RBFOX1: variants seen among roughly 807,000 people sequenced by gnomAD.
RBFOX1 encodes the protein RNA binding protein fox-1 homolog 1.
RBFOX1 carries 8 observed loss-of-function variants against 57.7 expected under a neutral mutation model. The observed-to-expected ratio is 0.14, with a 90% CI of 0.08 to 0.25. The LOEUF (loss-of-function observed/expected upper bound fraction) is 0.25, where lower values mean the gene tolerates loss of function less well. Ranked by LOEUF, RBFOX1 falls within the 10% of genes least tolerant of loss-of-function variation. The pLI is 1.00. For synonymous variants in RBFOX1, 326 were observed against 222.4 expected (o/e 1.47, Z -4.15); for missense variants, 611 against 548.5 (o/e 1.11, Z -1.14).
intron 4 of RBFOX1, among the ~76,000 whole-genome samples, chr16:7,064,808 T>C (rs2055540613): frequency 1.3e-5 from 2 of 152,332 alleles, no homozygotes; most frequent in African/African-American, 4.8e-5. Flanking sequence ...TTCATCCTGA[T>C]GTGTATTGGT....
chr16:6,428,510 G>A (rs2093992360), intron 2 of RBFOX1, among the ~76,000 whole-genome samples: 1 of 152,040 alleles, frequency 6.6e-6, no homozygotes, highest in Admixed American at 6.6e-5. Context: ...AGTAACTTGT[G>A]CTTTCTGTGC....
intron 3 of RBFOX1, among the ~76,000 whole-genome samples, chr16:6,832,242 C>G (rs1411892872): frequency 1.3e-5 from 2 of 152,152 alleles, no homozygotes; most frequent in Non-Finnish European, 1.5e-5. Context: ...CTGAAGGGAA[C>G]AACACAGTGG....
intron 4 of RBFOX1, among the ~76,000 whole-genome samples, chr16:7,316,963 A>AACACACACAC (rs112548867): frequency 0.025 from 3,718 of 146,900 alleles, 60 homozygotes; most frequent in South Asian, 0.037. Context: ...AAGAAGACAG[A>AACACACACAC]ACACACACAC....
At chr16:7,644,289 A>G (rs2063343693) in intron 11 of RBFOX1, among the ~76,000 whole-genome samples, 1 of 152,170 alleles carries the variant, frequency 6.6e-6, no homozygotes, top group Non-Finnish European at 1.5e-5. Flanking sequence ...TTAGTGGGTT[A>G]ATCTCCGGGT....
intron 11 of RBFOX1, among the ~76,000 whole-genome samples, chr16:7,633,508 AT>A (rs1014806202): frequency 2.0e-5 from 3 of 151,856 alleles, no homozygotes; most frequent in South Asian, 2.1e-4. Flanking sequence ...GTTCATAGCA[AT>A]TTTTTTTCAA....
chr16:6,826,435 A>G (rs867075671), intron 3 of RBFOX1, among the ~76,000 whole-genome samples: 3 of 151,998 alleles, frequency 2.0e-5, no homozygotes, highest in South Asian at 2.1e-4. Context: ...TTAGCACTCA[A>G]GTAATTCCCA....
chr16:6,827,915 A>C (rs569784613), intron 3 of RBFOX1, among the ~76,000 whole-genome samples: 2 of 152,200 alleles, frequency 1.3e-5, no homozygotes, highest in African/African-American at 4.8e-5. Flanking sequence ...ATTTGCATAC[A>C]TTTGTAAGCA....
At chr16:6,519,499 G>A (rs2096458626) in intron 2 of RBFOX1, among the ~76,000 whole-genome samples, 1 of 152,050 alleles carries the variant, frequency 6.6e-6, no homozygotes, top group African/African-American at 2.4e-5. Context: ...TCAAGAGTTG[G>A]AGACCAACCT....
At chr16:7,009,717 T>G (rs1208073376) in intron 3 of RBFOX1, among the ~76,000 whole-genome samples, 4 of 152,192 alleles carry the variant, frequency 2.6e-5, no homozygotes, top group Non-Finnish European at 5.9e-5. Flanking sequence ...TGAGCCAACC[T>G]AATCAGCCTG....
intron 3 of RBFOX1, among the ~76,000 whole-genome samples, chr16:5,767,861 A>T (rs2053842029): frequency 6.6e-6 from 1 of 152,054 alleles, no homozygotes; most frequent in South Asian, 2.1e-4. Context: ...TTCTTTGAGG[A>T]TTCCTATTTG....
chr16:6,859,187 A>ATATGTATACGTATATATATACG lies in RBFOX1; in HGVS notation c.-15-192867_-15-192866insGTATACGTATATATATACGTAT, dbSNP rs2058557400. On this transcript the variant is annotated intron_variant, in intron 3 of 15. Coordinates refer to ENST00000550418, the MANE Select transcript of RBFOX1 (RefSeq NM_018723.4). The stretch of plus-strand genomic sequence containing the variant: ...TACGTATATATATGTATATATATGT[A>ATATGTATACGTATATATATACG]TATATATATGTATATATATATATAC... Among the ~76,000 whole-genome samples the ATATGTATACGTATATATATACG allele has an allele frequency of 8.9e-4, 57 of 63,998 alleles. 2 individuals carry two copies. Among genetic ancestry groups the ATATGTATACGTATATATATACG allele is most frequent in the African/African-American group, 4.3e-3 (56 of 13,148 alleles). 42.0% of individuals were successfully genotyped at this position (63,998 alleles called of 152,430 possible).
At chr16:5,667,189 TTC>T (rs2049875539) in intron 3 of RBFOX1, among the ~76,000 whole-genome samples, 1 of 152,226 alleles carries the variant, frequency 6.6e-6, no homozygotes, top group Non-Finnish European at 1.5e-5. Context: ...ACATTTTGTT[TTC>T]TCTTTATTAT....
chr16:5,924,945 C>A (rs561501676), intron 4 of RBFOX1, among the ~76,000 whole-genome samples: 1 of 152,168 alleles, frequency 6.6e-6, no homozygotes, highest in Non-Finnish European at 1.5e-5. Context: ...AACCACAATA[C>A]AGTGCCCTAA....
intron 2 of RBFOX1, among the ~76,000 whole-genome samples, chr16:5,494,302 T>G (rs1048849687): frequency 6.6e-6 from 1 of 152,214 alleles, no homozygotes; most frequent in African/African-American, 2.4e-5. Context: ...CTGCAGCGTA[T>G]GTGACCTTGA....
intron 1 of RBFOX1, among the ~76,000 whole-genome samples, chr16:5,318,997 T>G (rs2064321401): frequency 6.6e-6 from 1 of 151,946 alleles, no homozygotes; most frequent in Admixed American, 6.6e-5. Flanking sequence ...CATGGTGGCG[T>G]GCGCCTGTAG....
At chr16:7,580,061 A>G (rs2093633778) in intron 6 of RBFOX1, 141 bp downstream of exon 6, 7 of 884,378 alleles carry the variant, frequency 7.9e-6, no homozygotes, top group Non-Finnish European at 1.2e-5. Context: ...GTCTGCAGGT[A>G]TATTGTGGCT....
At chr16:5,523,616 AAAAC>A (rs79122543) in intron 2 of RBFOX1, among the ~76,000 whole-genome samples, 50,058 of 151,314 alleles carry the variant, frequency 0.33, 9,648 homozygotes, top group East Asian at 0.84. Flanking sequence ...GACCCTGTCT[AAAAC>A]AAACAAACAA....
chr16:6,891,191 G>A (rs1459168631), intron 3 of RBFOX1, among the ~76,000 whole-genome samples: 1 of 152,166 alleles, frequency 6.6e-6, no homozygotes, highest in African/African-American at 2.4e-5. Context: ...ATTATCAGTA[G>A]TGGCTACAAT....
intron 4 of RBFOX1, among the ~76,000 whole-genome samples, chr16:6,002,947 T>C (rs1443903971): frequency 6.6e-6 from 1 of 152,098 alleles, no homozygotes; most frequent in Non-Finnish European, 1.5e-5. Context: ...GTAGATCCTC[T>C]GACAGCCATT....
Sources: gnomAD v4.1 joint callset for allele counts (sites outside exome capture counted in the v4.1 genomes callset) on GRCh38, gnomAD v4.1.1 for gene constraint, MANE v1.5 for transcripts, NCBI Gene and HGNC (gene_info 2026-07-23, HGNC 2026-07-21) for gene names.